Variants in RPS6KC1 observed in about 807,000 individuals in gnomAD.
The protein encoded by RPS6KC1 is ribosomal protein S6 kinase C1, also known as inactive ribosomal protein S6 kinase delta-1.
A neutral mutation model predicts 103.8 loss-of-function variants in RPS6KC1; 54 were observed. That is an observed-to-expected ratio of 0.52 (90% CI 0.42 to 0.65). The LOEUF (loss-of-function observed/expected upper bound fraction) is 0.65, where lower values mean the gene tolerates loss of function less well. RPS6KC1 is among the 30% of genes least tolerant of loss of function. The pLI is 0.00. For synonymous variants in RPS6KC1, 439 were observed against 438.7 expected (o/e 1.00, Z -0.01); for missense variants, 1,151 against 1,253.8 (o/e 0.92, Z 1.24).
chr1:213,703,738 C>T, the RPS6KC1 span, among the ~76,000 whole-genome samples: 1 of 152,114 alleles, frequency 6.6e-6, no homozygotes, highest in Non-Finnish European at 1.5e-5. Flanking sequence ...TTTTCTCTTG[C>T]TGCTTTTAGG....
At chr1:213,838,727 G>A in the RPS6KC1 span, among the ~76,000 whole-genome samples, 1 of 152,206 alleles carries the variant, frequency 6.6e-6, no homozygotes, top group Non-Finnish European at 1.5e-5. Flanking sequence ...GAGCTGGTGC[G>A]CAGGACCAGG....
intron 8 of RPS6KC1, among the ~76,000 whole-genome samples, chr1:213,199,658 A>G (rs2093080443): frequency 6.6e-6 from 1 of 152,210 alleles, no homozygotes; most frequent in Non-Finnish European, 1.5e-5. Flanking sequence ...GTAATCAGGC[A>G]AGAGAAAGAA....
intron 14 of RPS6KC1, among the ~76,000 whole-genome samples, chr1:213,265,525 G>T (rs1456627736): frequency 6.6e-6 from 1 of 152,086 alleles, no homozygotes; most frequent in African/African-American, 2.4e-5. Context: ...TAAAATGTTT[G>T]GTGCCTTCCA....
the RPS6KC1 span, among the ~76,000 whole-genome samples, chr1:213,791,485 T>G: frequency 3.3e-5 from 5 of 152,250 alleles, no homozygotes; most frequent in Middle Eastern, 3.4e-3. Context: ...TAAACAGCCA[T>G]TAGTCTGTTC....
the RPS6KC1 span, among the ~76,000 whole-genome samples, chr1:213,772,923 G>A: frequency 3.9e-5 from 6 of 152,184 alleles, no homozygotes; most frequent in African/African-American, 1.4e-4. Context: ...ATGCAGAAAG[G>A]GGGGTAATGA....
intron 12 of RPS6KC1, among the ~76,000 whole-genome samples, chr1:213,245,915 T>C (rs1398894622): frequency 6.6e-6 from 1 of 152,176 alleles, no homozygotes; most frequent in Non-Finnish European, 1.5e-5. Flanking sequence ...GTCATAATTA[T>C]TTCAACAATG....
At position 213,217,889 on chromosome 1, in the gene RPS6KC1, G is replaced by A. The variant is rs184500850; in HGVS notation, c.1045-12608G>A. On this transcript the variant is annotated intron_variant, in intron 8 of 14. Transcript: ENST00000366960. ...GATGTATCTCAAAATAATAAGAGCT[G>A]TCTATGACAAACCCACAGCCAATAT... Among the ~76,000 whole-genome samples the A allele has an allele frequency of 3.6e-3, 551 of 152,156 alleles. 10 individuals carry two copies. Among genetic ancestry groups the A allele is most frequent in the Admixed American group, 0.032 (487 of 15,280 alleles).
chr1:213,476,492 A>G, the RPS6KC1 span, among the ~76,000 whole-genome samples: 1 of 152,218 alleles, frequency 6.6e-6, no homozygotes, highest in East Asian at 1.9e-4. Context: ...GTAGCTGAAG[A>G]ATTGCACCTC....
At chr1:213,858,597 C>G in the RPS6KC1 span, among the ~76,000 whole-genome samples, 1 of 152,280 alleles carries the variant, frequency 6.6e-6, no homozygotes, top group Non-Finnish European at 1.5e-5. Context: ...TTGGAAATGA[C>G]TAACAGGGAT....
intron 7 of RPS6KC1, among the ~76,000 whole-genome samples, chr1:213,173,826 G>A (rs115970738): frequency 0.022 from 3,317 of 152,346 alleles, 52 homozygotes; most frequent in Admixed American, 0.041. Flanking sequence ...CATGCACATA[G>A]TGGGTGCACA....
At chr1:213,261,689 A>C in intron 13 of RPS6KC1, 49 bp downstream of exon 13, 1 of 1,486,728 alleles carries the variant, frequency 6.7e-7, no homozygotes, top group Non-Finnish European at 9.4e-7. Flanking sequence ...TGCTACCTTG[A>C]TTTCAAATTA....
chr1:213,673,443 C>T, the RPS6KC1 span, among the ~76,000 whole-genome samples: 1 of 152,200 alleles, frequency 6.6e-6, no homozygotes, highest in African/African-American at 2.4e-5. Flanking sequence ...GTTAGAGATA[C>T]TGCAGTGGAC....
chr1:213,061,332 T>G (rs2077820380), intron 1 of RPS6KC1, among the ~76,000 whole-genome samples: 1 of 152,168 alleles, frequency 6.6e-6, no homozygotes, highest in African/African-American at 2.4e-5. Context: ...GGGAGTTCTT[T>G]CACTCCAGAG....
intron 1 of RPS6KC1, among the ~76,000 whole-genome samples, chr1:213,069,580 A>G (rs550177606): frequency 1.3e-5 from 2 of 152,326 alleles, no homozygotes; most frequent in Admixed American, 1.3e-4. Context: ...TGAATGGATT[A>G]TAATCCCTAG....
chr1:213,818,089 C>T, the RPS6KC1 span: 1 of 152,200 alleles, frequency 6.6e-6, no homozygotes, highest in Non-Finnish European at 1.5e-5. Flanking sequence ...GCCCCACTGA[C>T]TTTCTGTTTT....
the RPS6KC1 span, among the ~76,000 whole-genome samples, chr1:213,767,207 C>G: frequency 1.4e-4 from 22 of 152,196 alleles, no homozygotes; most frequent in Non-Finnish European, 3.2e-4. Flanking sequence ...TGGTCAAAAC[C>G]CTTCGCTATC....
At chr1:213,495,997 A>C in the RPS6KC1 span, among the ~76,000 whole-genome samples, 4,756 of 152,240 alleles carry the variant, frequency 0.031, 182 homozygotes, top group East Asian at 0.12. Flanking sequence ...TTGGGTCCTA[A>C]ATTTCTGACC....
chr1:213,648,521 C>T, the RPS6KC1 span, among the ~76,000 whole-genome samples: 1 of 152,104 alleles, frequency 6.6e-6, no homozygotes, highest in Non-Finnish European at 1.5e-5. Context: ...TTCATCCTAA[C>T]TCCACTGCAC....
At chr1:213,363,600 CGCTCGCTTGCTTGCTT>C in the RPS6KC1 span, among the ~76,000 whole-genome samples, 17 of 76,592 alleles carry the variant, frequency 2.2e-4, 1 homozygote, top group Admixed American at 9.6e-4. Flanking sequence ...AGCCCTTGCT[CGCTCGCTTGCTTGCTT>C]GCTTGCTTGC....
Sources: gnomAD v4.1 joint callset for allele counts (sites outside exome capture counted in the v4.1 genomes callset) on GRCh38, gnomAD v4.1.1 for gene constraint, MANE v1.5 for transcripts, NCBI Gene and HGNC (gene_info 2026-07-23, HGNC 2026-07-21) for gene names.